SLC30A7: variants seen among roughly 807,000 people sequenced by gnomAD.
SLC30A7 encodes zinc transporter 7.
Under a neutral mutation model 46.0 loss-of-function variants are expected in SLC30A7, and 35 were observed. That is an observed-to-expected ratio of 0.76 (90% CI 0.58 to 1.01). The LOEUF is 1.01. Ranked by LOEUF, SLC30A7 falls within the 50% of genes least tolerant of loss-of-function variation. The probability of loss-of-function intolerance (pLI) is 0.00; values close to 1 mark genes in which losing one functional copy is unlikely to be tolerated. For synonymous variants in SLC30A7, 147 were observed against 157.8 expected, an observed-to-expected ratio of 0.93 and a Z score of 0.51; for missense variants, 464 against 451.1, an observed-to-expected ratio of 1.03 and a Z score of -0.26.
At chr1:100,983,375 C>CAAAAAA (rs779529890), downstream of SLC30A7, among the ~76,000 whole-genome samples, 63 of 76,150 alleles carry the variant, frequency 8.3e-4, no homozygotes, top group Non-Finnish European at 1.0e-3. Flanking sequence ...TACTTTGAGG[C>CAAAAAA]AAAAAAAAAA....
chr1:100,968,616 A>G (rs1340380216), intron 10 of SLC30A7, among the ~76,000 whole-genome samples: 2 of 152,120 alleles, frequency 1.3e-5, no homozygotes, highest in Non-Finnish European at 2.9e-5. Flanking sequence ...CGTACTTTAT[A>G]CTCCAAACCC....
intron 7 of SLC30A7, among the ~76,000 whole-genome samples, chr1:100,920,392 A>ATAG (rs1258372756): frequency 2.0e-5 from 3 of 151,988 alleles, no homozygotes; most frequent in Non-Finnish European, 4.4e-5. Context: ...GAAATACGTG[A>ATAG]TAGGAACCGA....
chr1:100,965,577 A>G (rs549333123), intron 9 of SLC30A7, among the ~76,000 whole-genome samples, 192 bp from the exon 10 acceptor site: 1 of 152,340 alleles, frequency 6.6e-6, no homozygotes, highest in South Asian at 2.1e-4. Flanking sequence ...ATATTTCCCA[A>G]ATACTTGTCA....
intron 8 of SLC30A7, chr1:100,941,898 C>A: frequency 2.9e-6 from 1 of 349,512 alleles, no homozygotes; most frequent in South Asian, 3.1e-5. Flanking sequence ...GGAATGGCTC[C>A]TCAGATCTTC....
In SLC30A7 at chr1:100,974,982, C is replaced by A. The variant is rs534624505; in HGVS notation, c.*125C>A. On this transcript the variant is annotated 3_prime_UTR_variant, in exon 11 of 11. Transcript: ENST00000357650. ...CTACAACTCCCGAGCACTAAGTAGACGGGGTAGAGTCAGCCGTTCATGCTT... is the reference window on the plus strand; with the variant it reads ...CTACAACTCCCGAGCACTAAGTAGAAGGGGTAGAGTCAGCCGTTCATGCTT... 1 of 654,692 alleles carries A rather than the reference C, an allele frequency of 1.5e-6. No individual in the cohort carries two copies. The highest frequency in any genetic ancestry group is 2.5e-6 in the Non-Finnish European group (1 of 402,472). The allele number at this position is 654,692 out of a possible 1,614,324, so 40.6% of individuals were successfully genotyped here. A position where few individuals can be genotyped will look rare whatever the true frequency, so the allele number is the denominator to read the frequency against.
At position 100,930,563 on chromosome 1, in the gene SLC30A7, G is replaced by T. The variant is rs771548503; in HGVS notation, c.842+8722G>T. ...GTTGAATAGAATAAATTTGTGGCCT[G>T]TATTAAGCAAAAAGTAAGCATTTTT... is the stretch of plus-strand genomic sequence containing the variant. On this transcript the variant is annotated intron_variant, in intron 8 of 10. Transcript: ENST00000357650. Among the ~76,000 whole-genome samples, 55 of 151,458 alleles carry T rather than the reference G, an allele frequency of 3.6e-4. 1 individual carries two copies. Among genetic ancestry groups the T allele is most frequent in the Non-Finnish European group, 6.5e-4 (44 of 67,724 alleles).
intron 6 of SLC30A7, among the ~76,000 whole-genome samples, chr1:100,915,273 C>T (rs967858011): frequency 1.7e-4 from 17 of 101,040 alleles, no homozygotes; most frequent in South Asian, 5.8e-4. Context: ...TTCTTTCTTT[C>T]TACTTTTGCA....
At chr1:100,901,607 G>T (rs1021699183) in intron 2 of SLC30A7, among the ~76,000 whole-genome samples, 5 of 151,928 alleles carry the variant, frequency 3.3e-5, no homozygotes, top group African/African-American at 4.8e-5. Flanking sequence ...GCCACGCCTG[G>T]CTAATTTTTG....
intron 6 of SLC30A7, among the ~76,000 whole-genome samples, chr1:100,916,420 C>T (rs1183299961): frequency 2.6e-5 from 4 of 152,044 alleles, no homozygotes; most frequent in African/African-American, 9.7e-5. Flanking sequence ...CTCCTGACAT[C>T]GTGATCCACC....
intron 8 of SLC30A7, among the ~76,000 whole-genome samples, chr1:100,947,901 G>A (rs1243568617): frequency 6.6e-6 from 1 of 152,032 alleles, no homozygotes; most frequent in African/African-American, 2.4e-5. Context: ...CGTTTGCTTG[G>A]TAGATCTTCC....
chr1:100,993,750 A>ATT, the SLC30A7 span, among the ~76,000 whole-genome samples: 1 of 145,400 alleles, frequency 6.9e-6, no homozygotes, highest in Non-Finnish European at 1.5e-5. Flanking sequence ...TAAAAAGGCA[A>ATT]TTTTTTTTTT....
At chr1:100,896,861 C>G (rs12092165) in intron 2 of SLC30A7, among the ~76,000 whole-genome samples, 190 bp downstream of exon 2, 1 of 152,152 alleles carries the variant, frequency 6.6e-6, no homozygotes, top group South Asian at 2.1e-4. Context: ...AGATCTGGGC[C>G]TATCCTGTGC....
intron 5 of SLC30A7, among the ~76,000 whole-genome samples, chr1:100,912,805 G>T (rs974360924): frequency 6.6e-6 from 1 of 151,896 alleles, no homozygotes; most frequent in African/African-American, 2.4e-5. Context: ...TTGAGCCCGG[G>T]AGGTGGAGGT....
intron 8 of SLC30A7, among the ~76,000 whole-genome samples, chr1:100,940,158 G>A (rs1654256506): frequency 6.6e-6 from 1 of 152,094 alleles, no homozygotes; most frequent in African/African-American, 2.4e-5. Context: ...GATAAAGACA[G>A]CACCTCAAAT....
intron 8 of SLC30A7, among the ~76,000 whole-genome samples, chr1:100,952,516 C>T (rs920539742): frequency 2.0e-5 from 3 of 152,148 alleles, no homozygotes; most frequent in Non-Finnish European, 4.4e-5. Flanking sequence ...AGGTAGTCTT[C>T]TCTTACTACC....
intron 8 of SLC30A7, chr1:100,941,850 C>T (rs921020084): frequency 2.0e-5 from 10 of 498,338 alleles, no homozygotes; most frequent in Non-Finnish European, 3.4e-5. Flanking sequence ...GTTTGGATCT[C>T]CCATTACCAC....
In SLC30A7 at chr1:100,921,723, C is replaced by G. The variant is rs748947981; in HGVS notation, c.724C>G (p.Leu242Val). 1 of 1,611,422 alleles carries G rather than the reference C, an allele frequency of 6.2e-7. No homozygotes were observed. Among genetic ancestry groups the G allele is most frequent in the South Asian group, 1.1e-5 (1 of 90,976 alleles). The change falls in exon 8 of 11, where the codon CTA (leucine) becomes GTA (valine). Residue 242 changes from leucine to valine, a missense_variant. Transcript: ENST00000357650. ...ATTTCTAGGTGTATTTTTACATATC[C>G]TAGCAGATACACTTGGAAGTATTGG... ...QILQGVFLHI[L>V]ADTLGSIGVI...
chr1:100,912,138 C>T lies in SLC30A7; in HGVS notation c.411C>T (p.His137=). 6.2e-7 allele frequency: 1 copy of T among 1,613,770 alleles called. No individual in the cohort carries two copies. Residue 137 remains histidine (H), a synonymous_variant, in exon 5 of 11, where the codon CAC becomes CAT. Coordinates refer to ENST00000357650, the MANE Select transcript of SLC30A7 (RefSeq NM_133496.5). The part of the protein sequence containing the change: ...VERALAPPDV[H]HERLLLVSIL... ...GAGCATTAGCCCCTCCAGATGTCCA[C>T]CATGAGAGACTGCTTCTTGTTTCCA...
chr1:100,945,066 C>A (rs967772100), intron 8 of SLC30A7, among the ~76,000 whole-genome samples: 3 of 151,982 alleles, frequency 2.0e-5, no homozygotes, highest in African/African-American at 7.2e-5. Context: ...TTCATGTGTC[C>A]GTTGGCTGCA....
Sources: allele counts gnomAD v4.1 joint callset (sites outside exome capture counted in the v4.1 genomes callset), GRCh38; gene constraint gnomAD v4.1.1; transcripts MANE v1.5; gene names NCBI Gene and HGNC (gene_info 2026-07-23, HGNC 2026-07-21).